PLCH1: variants seen among roughly 807,000 people sequenced by gnomAD.
PLCH1 encodes 1-phosphatidylinositol 4,5-bisphosphate phosphodiesterase eta-1.
PLCH1 carries 60 observed loss-of-function variants against 126.7 expected under a neutral mutation model. That is an observed-to-expected ratio of 0.47 (90% CI 0.38 to 0.59). The LOEUF is 0.59. Among genes scored for constraint, PLCH1 ranks in the 20% least tolerant of loss-of-function variants. The pLI, the probability that PLCH1 is intolerant of heterozygous loss-of-function variation, is 0.00. For synonymous variants in PLCH1, 719 were observed against 734.9 expected, an observed-to-expected ratio of 0.98 and a Z score of 0.35; for missense variants, 1,723 against 2,040.0, an observed-to-expected ratio of 0.84 and a Z score of 2.99.
chr3:155,676,272 T>C (rs1022429836), intron 2 of PLCH1: 9 of 1,185,784 alleles, frequency 7.6e-6, no homozygotes, highest in Middle Eastern at 3.3e-4. Flanking sequence ...TAGAACTTTG[T>C]CCCAAAGTGA....
intron 21 of PLCH1, among the ~76,000 whole-genome samples, chr3:155,455,712 G>A (rs554878329): frequency 7.2e-5 from 11 of 152,336 alleles, no homozygotes; most frequent in African/African-American, 2.4e-4. Flanking sequence ...TTCTTTTGAA[G>A]AGGCTTTGTT....
At chr3:155,555,534 A>G (rs2108474521) in intron 8 of PLCH1, among the ~76,000 whole-genome samples, 1 of 152,356 alleles carries the variant, frequency 6.6e-6, no homozygotes. Context: ...AATAAACTTC[A>G]GTTGTTTTAA....
chr3:155,604,097 C>T (rs1185515720), intron 2 of PLCH1, among the ~76,000 whole-genome samples: 3 of 152,040 alleles, frequency 2.0e-5, no homozygotes, highest in African/African-American at 7.2e-5. Flanking sequence ...AGACCCTAGA[C>T]TCAATCAATC....
At chr3:155,659,398 GCTCA>G (rs1159753119) in intron 2 of PLCH1, among the ~76,000 whole-genome samples, 3 of 130,364 alleles carry the variant, frequency 2.3e-5, no homozygotes, top group African/African-American at 8.7e-5. Context: ...CATGATCACG[GCTCA>G]CTGCCTGAAC....
intron 14 of PLCH1, among the ~76,000 whole-genome samples, chr3:155,498,393 T>C (rs1373086138): frequency 6.6e-6 from 1 of 152,178 alleles, no homozygotes; most frequent in East Asian, 1.9e-4. Context: ...CTGCAGTCAT[T>C]TCTCATGATG....
rs1715544747 is a variant in PLCH1 at position 155,488,076 on chromosome 3, T to G, written c.2571A>C (p.Thr857=). The G allele has an allele frequency of 6.2e-7, 1 of 1,609,082 alleles. No individual in the cohort carries two copies. Among genetic ancestry groups the G allele is most frequent in the African/African-American group, 1.3e-5 (1 of 74,862 alleles). ...GYRHVYLEGL[T]EASIFVHITI... ...TTATGTGTACAAATATGGATGCTTC[T>G]GTCAGTCCTTCCAAATAGACATGCC... The change falls in exon 21 of 23, where the codon ACA becomes ACC. Residue 857 remains threonine, a synonymous_variant. Transcript: ENST00000460012.
intron 9 of PLCH1, among the ~76,000 whole-genome samples, chr3:155,553,397 G>A (rs943573845): frequency 1.8e-4 from 28 of 152,114 alleles, no homozygotes; most frequent in African/African-American, 6.0e-4. Flanking sequence ...AGGAGCCACC[G>A]TGCCCGGCCT....
In PLCH1 at chr3:155,638,229, T is replaced by C. The variant is rs560022989; in HGVS notation, c.80-41851A>G. On this transcript the variant is annotated intron_variant, in intron 2 of 22. Transcript: ENST00000460012. ...AATATGATTTCAAATATTCAACAAA[T>C]TGGTTTACCTAATGGTCTCTTTGGA... Among the ~76,000 whole-genome samples the C allele has an allele frequency of 2.0e-5, 3 of 152,340 alleles. No individual in the cohort carries two copies. In the South Asian group the frequency reaches 6.2e-4, roughly 32 times the overall value.
At chr3:155,684,799 T>C (rs1744808803) in intron 2 of PLCH1, among the ~76,000 whole-genome samples, 1 of 152,176 alleles carries the variant, frequency 6.6e-6, no homozygotes, top group Non-Finnish European at 1.5e-5. Context: ...CCTTTGTCTC[T>C]CCCTTGATGA....
chr3:155,562,046 G>A (rs140504618), intron 8 of PLCH1, among the ~76,000 whole-genome samples: 16 of 152,278 alleles, frequency 1.1e-4, no homozygotes, highest in African/African-American at 3.9e-4. Flanking sequence ...CTCCTAAAGT[G>A]CTGGGATTAC....
At chr3:155,634,680 G>C (rs1338191309) in intron 2 of PLCH1, among the ~76,000 whole-genome samples, 1 of 152,158 alleles carries the variant, frequency 6.6e-6, no homozygotes, top group Non-Finnish European at 1.5e-5. Context: ...AAGTAAGCAG[G>C]GCCCAGGAGG....
chr3:155,458,454 G>A lies in PLCH1; in HGVS notation c.2938+26902C>T, dbSNP rs1263600188. 4.0e-4 allele frequency among the ~76,000 whole-genome samples: 25 copies of A among 62,678 alleles called. 3 individuals are homozygous for A. The highest frequency in any genetic ancestry group is 3.5e-3 in the African/African-American group (25 of 7,084). 41.1% of individuals were successfully genotyped at this position (62,678 alleles called of 152,430 possible). ...GGAAGGAAGGAAGGAAGGAAGGAAG[G>A]AAAGAAAGAAAGAAAGAAAGAAAGA... On this transcript the variant is annotated intron_variant, in intron 21 of 21. Transcript: ENST00000494598.
intron 2 of PLCH1, among the ~76,000 whole-genome samples, chr3:155,661,811 G>T (rs1181316588): frequency 2.0e-5 from 3 of 152,158 alleles, no homozygotes; most frequent in African/African-American, 7.2e-5. Context: ...CTGTTCATTT[G>T]GTAATTTCCA....
At chr3:155,665,847 T>C (rs1261179571) in intron 2 of PLCH1, among the ~76,000 whole-genome samples, 2 of 152,226 alleles carry the variant, frequency 1.3e-5, no homozygotes, top group Admixed American at 6.5e-5. Flanking sequence ...ATAACCAGTA[T>C]TAATATTTCA....
intron 14 of PLCH1, among the ~76,000 whole-genome samples, chr3:155,500,318 A>T (rs1157072792): frequency 6.6e-6 from 1 of 152,206 alleles, no homozygotes; most frequent in East Asian, 1.9e-4. Flanking sequence ...TCGCATGTTA[A>T]AGTTGGTAAC....
At chr3:155,659,532 C>G (rs1184364677) in intron 2 of PLCH1, among the ~76,000 whole-genome samples, 1 of 151,552 alleles carries the variant, frequency 6.6e-6, no homozygotes, top group Non-Finnish European at 1.5e-5. Flanking sequence ...GAGATAGACT[C>G]TCTGTTGCCC....
chr3:155,483,150 T>C (rs1351836894), intron 22 of PLCH1, 99 bp from the exon 23 acceptor site: 1 of 1,131,738 alleles, frequency 8.8e-7, no homozygotes, highest in Admixed American at 2.0e-5. Context: ...AGAATGTAAA[T>C]CTGTTACACT....
chr3:155,697,819 A>G (rs959174692), intron 2 of PLCH1, among the ~76,000 whole-genome samples: 1 of 152,182 alleles, frequency 6.6e-6, no homozygotes, highest in African/African-American at 2.4e-5. Flanking sequence ...TAACAGAGGG[A>G]GCCAGGATAA....
intron 2 of PLCH1, among the ~76,000 whole-genome samples, chr3:155,618,199 T>G (rs1185636812): frequency 1.3e-5 from 2 of 152,234 alleles, no homozygotes; most frequent in African/African-American, 2.4e-5. Context: ...TATTGTTAGA[T>G]TCTAGTCTTG....
Sources: gnomAD v4.1 joint callset for allele counts (sites outside exome capture counted in the v4.1 genomes callset) on GRCh38, gnomAD v4.1.1 for gene constraint, MANE v1.5 for transcripts, NCBI Gene and HGNC (gene_info 2026-07-23, HGNC 2026-07-21) for gene names.